ITGA1: variants seen among roughly 807,000 people sequenced by gnomAD.
The protein encoded by ITGA1 is integrin subunit alpha 1.
A neutral mutation model predicts 145.9 loss-of-function variants in ITGA1; 85 were observed. The observed-to-expected ratio is 0.58, with a 90% confidence interval of 0.49 to 0.70. The LOEUF (loss-of-function observed/expected upper bound fraction) is 0.70, where lower values mean the gene tolerates loss of function less well. Among genes scored for constraint, ITGA1 ranks in the 30% least tolerant of loss-of-function variants. ITGA1 has a pLI of 0.00. For missense variants in ITGA1, 1,351 were observed against 1,418.7 expected, an observed-to-expected ratio of 0.95 and a Z score of 0.77; for synonymous variants, 520 against 495.3, an observed-to-expected ratio of 1.05 and a Z score of -0.66.
At position 52,788,207 on chromosome 5, in the gene ITGA1, C is replaced by A; in HGVS notation, c.-147C>A. ...GACGAAAACACAGGAAATCACTCCTCTCCCGCTCCTGGGCGCCGCTGCCAC... is the reference window on the plus strand; with the variant it reads ...GACGAAAACACAGGAAATCACTCCTATCCCGCTCCTGGGCGCCGCTGCCAC... On this transcript the variant is annotated 5_prime_UTR_variant, in exon 1 of 29. Transcript: ENST00000282588. The A allele has an allele frequency of 1.9e-6, 1 of 526,312 alleles. No individual in the cohort carries two copies. Among genetic ancestry groups the A allele is most frequent in the South Asian group, 2.7e-5 (1 of 36,598 alleles). The allele number at this position is 526,312 out of a possible 1,614,324, so 32.6% of individuals were successfully genotyped here. A position where few individuals can be genotyped will look rare whatever the true frequency, so the allele number is the denominator to read the frequency against.
chr5:52,856,807 A>T (rs1417078277), intron 2 of ITGA1, among the ~76,000 whole-genome samples: 1 of 152,112 alleles, frequency 6.6e-6, no homozygotes, highest in East Asian at 1.9e-4. Context: ...TAAAGCAGCA[A>T]TGGTCTATAA....
intron 6 of ITGA1, among the ~76,000 whole-genome samples, chr5:52,871,223 C>G (rs1749771106): frequency 6.6e-6 from 1 of 151,916 alleles, no homozygotes; most frequent in African/African-American, 2.4e-5. Context: ...GCTGTTTGAT[C>G]TTTTTTTTCC....
chr5:52,886,843 A>ATCTT (rs1336787697), intron 7 of ITGA1, among the ~76,000 whole-genome samples: 1 of 152,076 alleles, frequency 6.6e-6, no homozygotes, highest in Non-Finnish European at 1.5e-5. Flanking sequence ...CAGTGGCGCG[A>ATCTT]TCTTGGCTCA....
chr5:52,931,808 A>C (rs1750896554), intron 21 of ITGA1: 3 of 331,898 alleles, frequency 9.0e-6, no homozygotes, highest in Non-Finnish European at 1.6e-5. Flanking sequence ...AGAATTTTGA[A>C]AAACATAAAT....
chr5:52,883,299 G>A (rs1749991457), intron 7 of ITGA1, among the ~76,000 whole-genome samples: 1 of 152,208 alleles, frequency 6.6e-6, no homozygotes, highest in South Asian at 2.1e-4. Context: ...ATTTAAGAAT[G>A]AATATTCATC....
intron 19 of ITGA1, 121 bp downstream of exon 19, chr5:52,925,608 C>T (rs2111879732): frequency 2.8e-6 from 2 of 714,660 alleles, no homozygotes; most frequent in East Asian, 5.4e-5. Flanking sequence ...GAATTTTTTA[C>T]ATTAGTCCTC....
At chr5:52,843,703 G>GTTATTTTTATTT (rs957504936) in intron 1 of ITGA1, among the ~76,000 whole-genome samples, 2 of 152,084 alleles carry the variant, frequency 1.3e-5, no homozygotes, top group African/African-American at 4.8e-5. Flanking sequence ...GAGCTGGGTT[G>GTTATTTTTATTT]TTATTTTTAT....
intron 1 of ITGA1, among the ~76,000 whole-genome samples, chr5:52,834,734 A>T (rs1386029717): frequency 6.6e-6 from 1 of 151,816 alleles, no homozygotes; most frequent in African/African-American, 2.4e-5. Flanking sequence ...AAAGAGAGAG[A>T]GAGATCTGGT....
At chr5:52,951,908 G>A (rs1161225515) in intron 28 of ITGA1, among the ~76,000 whole-genome samples, 11 of 152,234 alleles carry the variant, frequency 7.2e-5, no homozygotes, top group East Asian at 5.8e-4. Flanking sequence ...AAATGAAACC[G>A]CGGCCCGGCG....
In ITGA1 at chr5:52,881,864, G is replaced by A; in HGVS notation, c.625-9G>A. The A allele has an allele frequency of 1.2e-6, 2 of 1,601,214 alleles. No individual in the cohort carries two copies. The highest frequency in any genetic ancestry group is 1.1e-5 in the South Asian group (1 of 89,350). On this transcript the variant is annotated splice_polypyrimidine_tract_variant and intron_variant, in intron 6 of 28. Coordinates refer to ENST00000282588, the MANE Select transcript of ITGA1 (RefSeq NM_181501.2). ...TTGACGTATAACTCACAGTGGCTTG[G>A]TATTTCAGGTTGGAATTGTACAGTA...
chr5:52,801,522 C>T (rs1454768728), intron 1 of ITGA1: 1 of 1,614,136 alleles, frequency 6.2e-7, no homozygotes, highest in African/African-American at 1.3e-5. Context: ...CCTTGGATGA[C>T]TTCTATAAAA....
At chr5:52,823,354 G>A (rs765346846) in intron 1 of ITGA1, among the ~76,000 whole-genome samples, 7 of 152,040 alleles carry the variant, frequency 4.6e-5, no homozygotes, top group Admixed American at 6.6e-5. Context: ...ATAGGCTTGC[G>A]CCACCATGCC....
chr5:52,808,861 C>G (rs1226482968), intron 1 of ITGA1, among the ~76,000 whole-genome samples: 2 of 151,956 alleles, frequency 1.3e-5, no homozygotes, highest in Non-Finnish European at 2.9e-5. Context: ...GTAACTTGCT[C>G]AAACACAATA....
rs751989946 is a variant in ITGA1 at position 52,922,875 on chromosome 5, A to G, written c.2391A>G (p.Ser797=). The change falls in exon 18 of 29, where the codon TCA becomes TCG. Residue 797 remains serine, a synonymous_variant. Coordinates refer to ENST00000282588, the MANE Select transcript of ITGA1 (RefSeq NM_181501.2). ...TTCTTGATGATTCTCTACCAAACTC[A>G]GTACATGAATATGTAAGTCAGATTT... ...GPVLDDSLPN[S]VHEYIPFAKD... The G allele has an allele frequency of 6.3e-7, 1 of 1,586,406 alleles. No individual in the cohort carries two copies. Among genetic ancestry groups the G allele is most frequent in the Non-Finnish European group, 8.7e-7 (1 of 1,154,968 alleles).
At chr5:52,915,693 TTG>T (rs1451434642) in intron 15 of ITGA1, 99 bp downstream of exon 15, 63 of 1,419,422 alleles carry the variant, frequency 4.4e-5, no homozygotes, top group Middle Eastern at 2.0e-4. Flanking sequence ...CTATTTCCTT[TTG>T]TGTTCCACTA....
chr5:52,868,571 T>C (rs569008072), intron 6 of ITGA1, among the ~76,000 whole-genome samples: 2 of 152,248 alleles, frequency 1.3e-5, no homozygotes, highest in East Asian at 3.9e-4. Context: ...CAACATGAAG[T>C]TATATGTATT....
Position 52,957,816 on chromosome 5 carries a change from C to T in ITGA1, c.*5365C>T, listed in dbSNP as rs1751325112. 1 of 152,120 alleles carries T rather than the reference C, an allele frequency of 6.6e-6. No individual in the cohort carries two copies. The highest frequency in any genetic ancestry group is 1.5e-5 in the Non-Finnish European group (1 of 68,040). 9.4% of individuals were successfully genotyped at this position (152,120 alleles called of 1,614,324 possible). A position where few individuals can be genotyped will look rare whatever the true frequency, so the allele number is the denominator to read the frequency against. ...CAATCAACTAAGGACCTGTGACACT[C>T]ATAACTATGTTTACATTTGGCTTTA... On this transcript the variant is annotated 3_prime_UTR_variant, in exon 29 of 29. Transcript: ENST00000282588.
chr5:52,822,056 A>G (rs549965728), intron 1 of ITGA1, among the ~76,000 whole-genome samples: 1 of 152,346 alleles, frequency 6.6e-6, no homozygotes, highest in African/African-American at 2.4e-5. Flanking sequence ...AAGAATGTCA[A>G]CAACAAAATT....
chr5:52,793,552 G>A lies in ITGA1; in HGVS notation c.61+5138G>A, dbSNP rs74840528. Among the ~76,000 whole-genome samples, 59 of 152,124 alleles carry A rather than the reference G, an allele frequency of 3.9e-4. No homozygotes were observed. The East Asian group carries it at 5.8e-3, about 15-fold the overall frequency. On this transcript the variant is annotated intron_variant, in intron 1 of 28. Transcript: ENST00000282588. ...AGATGTCAAAATTGGGAAAATGTGC[G>A]TCTGAAAATTACAATCAATAATATA...
Sources: gnomAD v4.1 joint callset for allele counts (sites outside exome capture counted in the v4.1 genomes callset) on GRCh38, gnomAD v4.1.1 for gene constraint, MANE v1.5 for transcripts, NCBI Gene and HGNC (gene_info 2026-07-23, HGNC 2026-07-21) for gene names.